Variants in PCDH11X observed in about 807,000 individuals in gnomAD.
PCDH11X encodes the protein protocadherin-11 X-linked.
In PCDH11X, 18 loss-of-function variants were observed where a neutral mutation model predicts 53.3. The ratio of observed to expected loss-of-function variants is 0.34; its 90% confidence interval spans 0.23 to 0.50. PCDH11X has a LOEUF of 0.50. PCDH11X is among the 20% of genes least tolerant of loss of function. The pLI is 0.98. For synonymous variants in PCDH11X, 279 were observed against 393.3 expected (o/e 0.71, Z 3.44); for missense variants, 570 against 1,032.4 (o/e 0.55, Z 6.14).
chrX:92,113,091 A>AT (rs199684013), intron 6 of PCDH11X, among the ~76,000 whole-genome samples: 4,157 of 96,208 alleles, frequency 0.043, 117 homozygotes, highest in Non-Finnish European at 0.064. Flanking sequence ...CTTTTTATCT[A>AT]TTTTTTTTTT....
chrX:92,009,863 C>T lies in PCDH11X; in HGVS notation c.3033+130590C>T, dbSNP rs781615846. On this transcript the variant is annotated intron_variant, in intron 6 of 10. Coordinates refer to ENST00000682573, the MANE Select transcript of PCDH11X (RefSeq NM_032968.5). ...GATTATAGGTATGCACCACCATGCCCGGCTAATTTTTTTGTATTTTTAGTA... is the reference window on the plus strand; with the variant it reads ...GATTATAGGTATGCACCACCATGCCTGGCTAATTTTTTTGTATTTTTAGTA... 3.3e-4 allele frequency among the ~76,000 whole-genome samples: 36 copies of T among 108,939 alleles called. No individual in the cohort carries two copies. The South Asian group carries it at 0.014, about 41-fold the overall frequency. 94.6% of individuals were successfully genotyped at this position (108,939 alleles called of 115,157 possible). A position where few individuals can be genotyped will look rare whatever the true frequency, so the allele number is the denominator to read the frequency against.
intron 8 of PCDH11X, among the ~76,000 whole-genome samples, chrX:92,275,461 C>G (rs2068065344): frequency 9.0e-6 from 1 of 111,142 alleles, no homozygotes; most frequent in African/African-American, 3.3e-5. Flanking sequence ...AGGTAATTTG[C>G]TGAGCCTAAT....
intron 10 of PCDH11X, among the ~76,000 whole-genome samples, chrX:92,594,801 A>C (rs1373433826): frequency 1.9e-5 from 2 of 106,600 alleles, no homozygotes; most frequent in South Asian, 4.2e-4. Context: ...TTAATGAAAA[A>C]CCAAAATAAT....
At chrX:91,804,540 T>A (rs905042812) in intron 1 of PCDH11X, among the ~76,000 whole-genome samples, 64 of 106,766 alleles carry the variant, frequency 6.0e-4, no homozygotes, top group African/African-American at 1.9e-3. Context: ...GACTATTCAA[T>A]CAACATGTAT....
chrX:91,841,066 G>T, intron 5 of PCDH11X, among the ~76,000 whole-genome samples: 1 of 110,289 alleles, frequency 9.1e-6, no homozygotes, highest in Non-Finnish European at 1.9e-5. Flanking sequence ...ACAATCAAAT[G>T]CTAACGACTA....
chrX:91,805,322 C>G (rs1338467951), intron 1 of PCDH11X, among the ~76,000 whole-genome samples: 2 of 111,018 alleles, frequency 1.8e-5, no homozygotes, highest in Admixed American at 1.9e-4. Context: ...AGACACTAGA[C>G]CCTTTTCATC....
intron 1 of PCDH11X, among the ~76,000 whole-genome samples, chrX:91,801,290 A>G (rs1935930585): frequency 9.1e-6 from 1 of 110,121 alleles, no homozygotes; most frequent in Admixed American, 9.7e-5. Flanking sequence ...AAGGAAACAT[A>G]AAGGATTTTA....
At chrX:92,385,071 C>A (rs180929254) in intron 8 of PCDH11X, among the ~76,000 whole-genome samples, 1 of 94,582 alleles carries the variant, frequency 1.1e-5, no homozygotes, top group Non-Finnish European at 2.2e-5. Flanking sequence ...TTTGCAAAGG[C>A]GGTTTCACAA....
chrX:91,893,947 T>G (rs1940625092), intron 6 of PCDH11X, among the ~76,000 whole-genome samples: 1 of 111,960 alleles, frequency 8.9e-6, no homozygotes, highest in Non-Finnish European at 1.9e-5. Flanking sequence ...GTTCTTAAGT[T>G]AGCCCTTTTT....
intron 6 of PCDH11X, among the ~76,000 whole-genome samples, chrX:91,959,320 C>G (rs2061754016): frequency 9.0e-6 from 1 of 110,827 alleles, no homozygotes; most frequent in Non-Finnish European, 1.9e-5. Flanking sequence ...CACTTGACAT[C>G]TACTCTCTTA....
intron 6 of PCDH11X, chrX:91,983,596 G>C: frequency 2.4e-6 from 1 of 409,260 alleles, no homozygotes; most frequent in Non-Finnish European, 4.4e-6. Context: ...GCCAGCTGCG[G>C]GGCCCAACTC....
chrX:92,144,048 T>G (rs1395379395), intron 6 of PCDH11X, among the ~76,000 whole-genome samples: 1 of 111,865 alleles, frequency 8.9e-6, no homozygotes, highest in Non-Finnish European at 1.9e-5. Context: ...TGTAGCCCCC[T>G]TTTTTTAGAT....
At chrX:92,101,682 T>C (rs1001874400) in intron 6 of PCDH11X, among the ~76,000 whole-genome samples, 1 of 110,357 alleles carries the variant, frequency 9.1e-6, no homozygotes, top group South Asian at 3.8e-4. Context: ...AGGCCTTTAC[T>C]TATTCAGTGA....
chrX:91,802,342 T>C (rs1186096061), intron 1 of PCDH11X, among the ~76,000 whole-genome samples: 2 of 112,514 alleles, frequency 1.8e-5, no homozygotes, highest in Non-Finnish European at 3.8e-5. Flanking sequence ...ATTAATTCTG[T>C]TGACTAAAAT....
At chrX:91,873,436 G>T (rs2524533) in intron 5 of PCDH11X, among the ~76,000 whole-genome samples, 2 of 111,381 alleles carry the variant, frequency 1.8e-5, no homozygotes, top group African/African-American at 6.5e-5. Flanking sequence ...AGTTGTGAAA[G>T]ACAGAATAGC....
At chrX:92,613,612 G>A (rs1357586205) in intron 10 of PCDH11X, among the ~76,000 whole-genome samples, 1 of 104,331 alleles carries the variant, frequency 9.6e-6, no homozygotes, top group African/African-American at 3.5e-5. Context: ...GTGACCATAT[G>A]CTTTGGTGAT....
At chrX:92,037,664 A>G (rs758053206) in intron 6 of PCDH11X, among the ~76,000 whole-genome samples, 1 of 110,972 alleles carries the variant, frequency 9.0e-6, no homozygotes, top group Non-Finnish European at 1.9e-5. Flanking sequence ...TCCCACCAAC[A>G]GTGTCAAAGC....
chrX:91,978,517 C>A lies in PCDH11X; in HGVS notation c.3033+99244C>A, dbSNP rs2062077057. Among the ~76,000 whole-genome samples the A allele has an allele frequency of 2.7e-5, 3 of 109,654 alleles. No homozygotes were observed. In the South Asian group the frequency reaches 1.2e-3, roughly 44 times the overall value. ...GTGATAAGCATGGTTAGATCAAATTCATTTTTGTATTAACAACACCCAGTA... is the reference window on the plus strand; with the variant it reads ...GTGATAAGCATGGTTAGATCAAATTAATTTTTGTATTAACAACACCCAGTA... On this transcript the variant is annotated intron_variant, in intron 6 of 10. Transcript: ENST00000682573.
Position 91,950,607 on chromosome X carries a change from T to C in PCDH11X, c.3033+71334T>C, listed in dbSNP as rs76083913. Among the ~76,000 whole-genome samples the C allele has an allele frequency of 8.5e-3, 816 of 95,443 alleles. 13 individuals are homozygous for C. Among genetic ancestry groups the C allele is most frequent in the African/African-American group, 0.03 (657 of 22,186 alleles). 82.9% of individuals were successfully genotyped at this position (95,443 alleles called of 115,157 possible). ...TAAATGTGATATATATATATATATA[T>C]ACACACACACATATATATCACATTT... On this transcript the variant is annotated intron_variant, in intron 6 of 10. Coordinates refer to ENST00000682573, the MANE Select transcript of PCDH11X (RefSeq NM_032968.5).
Sources: allele counts gnomAD v4.1 joint callset (sites outside exome capture counted in the v4.1 genomes callset), GRCh38; gene constraint gnomAD v4.1.1; transcripts MANE v1.5; gene names NCBI Gene and HGNC (gene_info 2026-07-23, HGNC 2026-07-21).